EYS: variants seen among roughly 807,000 people sequenced by gnomAD.
EYS encodes the protein protein eyes shut homolog.
A neutral mutation model predicts 282.1 loss-of-function variants in EYS; 250 were observed. That is an observed-to-expected ratio of 0.89 (90% CI 0.80 to 0.98). EYS has a LOEUF of 0.98. Ranked by LOEUF, EYS falls within the 50% of genes least tolerant of loss-of-function variation. The pLI is 0.00. For missense variants in EYS, 4,016 were observed against 3,709.0 expected (o/e 1.08, Z -2.15); for synonymous variants, 1,355 against 1,282.9 (o/e 1.06, Z -1.20).
intron 31 of EYS, among the ~76,000 whole-genome samples, chr6:64,169,494 A>G (rs1452891782): frequency 6.6e-6 from 1 of 151,340 alleles, no homozygotes; most frequent in African/African-American, 2.4e-5. Flanking sequence ...TAAAGAAATC[A>G]TGAAGATATA....
At chr6:64,660,381 G>C (rs1768956845) in intron 22 of EYS, among the ~76,000 whole-genome samples, 1 of 151,688 alleles carries the variant, frequency 6.6e-6, no homozygotes, top group Non-Finnish European at 1.5e-5. Context: ...TGGAAGTTCT[G>C]GCCAGGGCAA....
At chr6:64,440,214 T>A (rs1456156998) in intron 26 of EYS, among the ~76,000 whole-genome samples, 2 of 152,012 alleles carry the variant, frequency 1.3e-5, no homozygotes, top group African/African-American at 4.8e-5. Context: ...TAGTTTGCTG[T>A]CTATCACAGG....
intron 26 of EYS, among the ~76,000 whole-genome samples, chr6:64,573,734 T>G (rs1351084871): frequency 6.6e-6 from 1 of 152,140 alleles, no homozygotes; most frequent in Non-Finnish European, 1.5e-5. Context: ...AGATGCCATC[T>G]CACGCCAGTT....
chr6:65,468,469 GCCAGCCT>G (rs1765087355), intron 5 of EYS, among the ~76,000 whole-genome samples: 1 of 151,942 alleles, frequency 6.6e-6, no homozygotes, highest in Non-Finnish European at 1.5e-5. Flanking sequence ...CAACATAACA[GCCAGCCT>G]TTAAAGTTAT....
intron 1 of EYS, among the ~76,000 whole-genome samples, chr6:65,654,941 A>T (rs1767766532): frequency 6.6e-6 from 1 of 150,454 alleles, no homozygotes; most frequent in African/African-American, 2.4e-5. Context: ...TCCAAATTAA[A>T]ATGTGCTTGT....
chr6:64,673,152 T>C (rs1238425274), intron 22 of EYS, among the ~76,000 whole-genome samples: 1 of 152,144 alleles, frequency 6.6e-6, no homozygotes, highest in Non-Finnish European at 1.5e-5. Flanking sequence ...CAAAATGCCA[T>C]AGAATTTCAT....
intron 35 of EYS, among the ~76,000 whole-genome samples, chr6:63,878,170 T>C (rs1306388689): frequency 6.6e-6 from 1 of 152,234 alleles, no homozygotes; most frequent in Admixed American, 6.5e-5. Flanking sequence ...GGATGTCCTT[T>C]CTGTTTGTTA....
chr6:64,912,831 T>C, intron 15 of EYS, 88 bp from the exon 16 acceptor site: 15 of 724,118 alleles, frequency 2.1e-5, no homozygotes, highest in Non-Finnish European at 3.0e-5. Context: ...GAACTAATAG[T>C]ATGTGGTGCT....
intron 31 of EYS, among the ~76,000 whole-genome samples, chr6:64,170,429 C>A (rs1173351681): frequency 6.6e-6 from 1 of 152,030 alleles, no homozygotes; most frequent in African/African-American, 2.4e-5. Flanking sequence ...AGTCTAAAAT[C>A]AAGGCATCAG....
At chr6:64,376,768 C>A (rs1403535221) in intron 29 of EYS, among the ~76,000 whole-genome samples, 1 of 147,296 alleles carries the variant, frequency 6.8e-6, no homozygotes, top group Non-Finnish European at 1.5e-5. Flanking sequence ...TTACAACAAG[C>A]CTCCAATATA....
intron 35 of EYS, among the ~76,000 whole-genome samples, chr6:63,888,044 C>A (rs887807464): frequency 2.0e-5 from 3 of 152,168 alleles, no homozygotes; most frequent in Non-Finnish European, 4.4e-5. Context: ...TGGGTGGAAC[C>A]CACTGCAGTG....
chr6:63,854,144 C>G (rs573926894), intron 36 of EYS, among the ~76,000 whole-genome samples: 5 of 152,260 alleles, frequency 3.3e-5, no homozygotes, highest in Admixed American at 3.3e-4. Flanking sequence ...ACTATAAAGA[C>G]ACATGCATAC....
intron 28 of EYS, among the ~76,000 whole-genome samples, chr6:64,392,637 G>A (rs1773196776): frequency 6.6e-6 from 1 of 151,046 alleles, no homozygotes; most frequent in Non-Finnish European, 1.5e-5. Flanking sequence ...AGTGTGTAGA[G>A]GGAAATTTAT....
At chr6:65,681,025 C>A (rs1038384987) in intron 1 of EYS, among the ~76,000 whole-genome samples, 1 of 151,140 alleles carries the variant, frequency 6.6e-6, no homozygotes, top group East Asian at 2.0e-4. Flanking sequence ...TATCTGGCAA[C>A]CAAATGTCAT....
intron 19 of EYS, among the ~76,000 whole-genome samples, chr6:64,832,786 A>G (rs181505846): frequency 7.0e-4 from 106 of 152,048 alleles, no homozygotes; most frequent in Middle Eastern, 3.4e-3. Context: ...TATCTCACGA[A>G]GCTACAAATG....
intron 36 of EYS, among the ~76,000 whole-genome samples, chr6:63,842,507 G>A (rs1464912330): frequency 6.6e-6 from 1 of 152,092 alleles, no homozygotes; most frequent in Non-Finnish European, 1.5e-5. Flanking sequence ...CTGGATATTA[G>A]CCCTTGATCA....
chr6:65,203,176 T>G (rs1765945714), intron 12 of EYS, among the ~76,000 whole-genome samples: 1 of 152,200 alleles, frequency 6.6e-6, no homozygotes, highest in Admixed American at 6.5e-5. Context: ...TATCATCTAC[T>G]GGCTAGGAGG....
intron 19 of EYS, among the ~76,000 whole-genome samples, chr6:64,885,647 C>A (rs901555175): frequency 1.5e-4 from 22 of 151,592 alleles, no homozygotes; most frequent in African/African-American, 5.3e-4. Flanking sequence ...ATGAACTTTG[C>A]AGAAAATGAT....
intron 12 of EYS, among the ~76,000 whole-genome samples, chr6:65,069,489 TC>T (rs1220273376): frequency 1.3e-5 from 2 of 151,928 alleles, no homozygotes; most frequent in Non-Finnish European, 2.9e-5. Flanking sequence ...TTGGTCCCCA[TC>T]TTACATAATC....
Sources: allele counts gnomAD v4.1 joint callset (sites outside exome capture counted in the v4.1 genomes callset), GRCh38; gene constraint gnomAD v4.1.1; transcripts MANE v1.5; gene names NCBI Gene and HGNC (gene_info 2026-07-23, HGNC 2026-07-21).